The following IFNAR2 variants were observed in gnomAD, a reference collection of about 807,000 sequenced individuals.
IFNAR2 encodes interferon alpha/beta receptor 2.
In IFNAR2, 30 loss-of-function variants were observed where a neutral mutation model predicts 49.4. The ratio of observed to expected loss-of-function variants is 0.61; its 90% CI spans 0.45 to 0.82. IFNAR2 has a LOEUF of 0.82. Ranked by LOEUF, IFNAR2 falls within the 40% of genes least tolerant of loss-of-function variation. The probability of loss-of-function intolerance (pLI) is 0.00; values close to 1 mark genes in which losing one functional copy is unlikely to be tolerated. For missense variants in IFNAR2, 600 were observed against 622.7 expected, an observed-to-expected ratio of 0.96 and a Z score of 0.39; for synonymous variants, 224 against 234.5, an observed-to-expected ratio of 0.96 and a Z score of 0.41.
At position 33,230,250 on chromosome 21, in the gene IFNAR2, C is replaced by A. The variant is rs1851611262; in HGVS notation, c.-84+34C>A. 3.7e-6 allele frequency: 4 copies of A among 1,094,708 alleles called. No individual in the cohort carries two copies. Among genetic ancestry groups the A allele is most frequent in the Non-Finnish European group, 4.5e-6 (4 of 891,726 alleles). 67.8% of individuals were successfully genotyped at this position (1,094,708 alleles called of 1,614,324 possible). A position where few individuals can be genotyped will look rare whatever the true frequency, so the allele number is the denominator to read the frequency against. The stretch of plus-strand genomic sequence containing the variant: ...GCGTGGCGGGGTCGCGGGAGCGGAG[C>A]GCGTGGCCAGCTGACTGGAGGGAAA... On this transcript the variant is annotated intron_variant, in intron 1 of 8. Transcript: ENST00000342136. This position sits in a 1 kb window ranked among gnomAD's most constrained non-coding sequence, Gnocchi z 5.5.
intron 6 of IFNAR2, among the ~76,000 whole-genome samples, chr21:33,249,361 A>G (rs1181248770): frequency 1.3e-5 from 2 of 151,666 alleles, no homozygotes; most frequent in African/African-American, 4.8e-5. Context: ...AAAAAAAAAA[A>G]AAAGAGTAAG....
At chr21:33,232,868 C>A in intron 1 of IFNAR2, 1 of 360,796 alleles carries the variant, frequency 2.8e-6, no homozygotes, top group Non-Finnish European at 3.9e-6. Flanking sequence ...TTTCACTCTG[C>A]CATATCAGTA....
intron 4 of IFNAR2, 130 bp downstream of exon 4, chr21:33,245,204 C>G (rs1987310861): frequency 1.5e-6 from 1 of 682,442 alleles, no homozygotes; most frequent in Non-Finnish European, 2.5e-6. Context: ...CTCTGCGTTT[C>G]TTATTCAGAG....
At chr21:33,242,772 T>C (rs1410483163) in intron 2 of IFNAR2, among the ~76,000 whole-genome samples, 2,026 of 15,994 alleles carry the variant, frequency 0.13, 485 homozygotes, top group Non-Finnish European at 0.2. Flanking sequence ...TGTGTGTGTG[T>C]GTGTGTGTGT....
rs967008238 is a variant in IFNAR2 at position 33,230,708 on chromosome 21, A to G, written c.-84+492A>G. Among the ~76,000 whole-genome samples, 14 of 152,144 alleles carry G rather than the reference A, an allele frequency of 9.2e-5. No individual in the cohort carries two copies. Among genetic ancestry groups the G allele is most frequent in the African/African-American group, 3.4e-4 (14 of 41,440 alleles). ...GCCCCCCTCGACCTGCGTCAGGGTCACAGACTGCAGCCGGGGCTGGAGCGG... is the reference window on the plus strand; with the variant it reads ...GCCCCCCTCGACCTGCGTCAGGGTCGCAGACTGCAGCCGGGGCTGGAGCGG... On this transcript the variant is annotated intron_variant, in intron 1 of 8. Transcript: ENST00000342136. This position sits in a 1 kb window ranked among gnomAD's most constrained non-coding sequence, Gnocchi z 5.5.
At chr21:33,240,080 A>G (rs565783999) in intron 1 of IFNAR2, among the ~76,000 whole-genome samples, 7 of 152,086 alleles carry the variant, frequency 4.6e-5, no homozygotes, top group Non-Finnish European at 7.3e-5. Context: ...GAGTGGTCAC[A>G]GGCCTCAATG....
At chr21:33,240,775 A>G (rs902701725) in intron 1 of IFNAR2, among the ~76,000 whole-genome samples, 1 of 56,062 alleles carries the variant, frequency 1.8e-5, no homozygotes, top group African/African-American at 6.7e-5. Flanking sequence ...TGATTGCACC[A>G]CTGGCACTCC....
At chr21:33,233,670 G>A (rs910449078) in intron 1 of IFNAR2, among the ~76,000 whole-genome samples, 3 of 152,018 alleles carry the variant, frequency 2.0e-5, no homozygotes, top group African/African-American at 7.2e-5. Context: ...TTTTTTTCCG[G>A]AAGAACAAAG....
chr21:33,239,191 G>T (rs1986721015), intron 1 of IFNAR2, among the ~76,000 whole-genome samples: 1 of 152,126 alleles, frequency 6.6e-6, no homozygotes, highest in African/African-American at 2.4e-5. Context: ...GTTGGCCCAG[G>T]ACCCTGTCTG....
At chr21:33,244,297 T>A (rs906699860) in intron 3 of IFNAR2, among the ~76,000 whole-genome samples, 1 of 152,222 alleles carries the variant, frequency 6.6e-6, no homozygotes, top group Non-Finnish European at 1.5e-5. Flanking sequence ...GGCTTTAATG[T>A]CTCATTTATC....
Position 33,263,154 on chromosome 21 carries a change from C to T in IFNAR2, c.1202C>T (p.Pro401Leu). ...LSGPCERRKS[P>L]LQDPFPEEDY... ...GGGCCCTGTGAGAGGAGAAAGAGTC[C>T]ACTCCAGGACCCTTTTCCCGAAGAG... Residue 401 changes from proline (P) to leucine (L), a missense_variant, in exon 9 of 9, where the codon CCA becomes CTA. Pro to Leu is a moderately conservative substitution (Grantham distance 98). Coordinates refer to ENST00000342136, the MANE Select transcript of IFNAR2 (RefSeq NM_001289125.3). 6.2e-7 allele frequency: 1 copy of T among 1,614,170 alleles called. No homozygotes were observed. The highest frequency in any genetic ancestry group is 8.5e-7 in the Non-Finnish European group (1 of 1,180,036).
intron 1 of IFNAR2, among the ~76,000 whole-genome samples, chr21:33,232,175 A>G (rs531478612): frequency 6.6e-6 from 1 of 152,332 alleles, no homozygotes; most frequent in African/African-American, 2.4e-5. Context: ...GAAATTCTCA[A>G]ATGTTAAAAG....
At chr21:33,237,303 C>T (rs993510425) in intron 1 of IFNAR2, among the ~76,000 whole-genome samples, 8 of 151,634 alleles carry the variant, frequency 5.3e-5, no homozygotes, top group African/African-American at 9.7e-5. Flanking sequence ...GGGCTGAGGC[C>T]GGAGGATCAC....
chr21:33,232,567 A>T (rs1424057588), intron 1 of IFNAR2, among the ~76,000 whole-genome samples: 2 of 152,114 alleles, frequency 1.3e-5, no homozygotes, highest in African/African-American at 2.4e-5. Context: ...AAAAAAATTT[A>T]AAATTTAAAT....
At chr21:33,256,069 C>T (rs1282861023) in intron 7 of IFNAR2, among the ~76,000 whole-genome samples, 2 of 152,172 alleles carry the variant, frequency 1.3e-5, no homozygotes, top group Non-Finnish European at 2.9e-5. Context: ...AGTGACCTGG[C>T]AGACAGATGG....
At chr21:33,255,876 C>T (rs1375141241) in intron 7 of IFNAR2, among the ~76,000 whole-genome samples, 2 of 152,134 alleles carry the variant, frequency 1.3e-5, no homozygotes, top group Non-Finnish European at 2.9e-5. Flanking sequence ...CAAGCATAAA[C>T]TCATATGTGG....
intron 8 of IFNAR2, among the ~76,000 whole-genome samples, chr21:33,261,832 C>T (rs999080933): frequency 6.6e-6 from 1 of 152,016 alleles, no homozygotes; most frequent in South Asian, 2.1e-4. Flanking sequence ...GCTGTGATTG[C>T]GCCACTGCAC....
intron 7 of IFNAR2, among the ~76,000 whole-genome samples, chr21:33,256,259 C>T (rs548707151): frequency 4.9e-4 from 75 of 152,284 alleles, no homozygotes; most frequent in African/African-American, 1.8e-3. Context: ...TTTTACTTGG[C>T]GTGAATGCGT....
chr21:33,245,123 T>TA (rs1987300722), intron 4 of IFNAR2, 49 bp downstream of exon 4: 13 of 1,368,754 alleles, frequency 9.5e-6, no homozygotes, highest in Non-Finnish European at 1.4e-5. Flanking sequence ...ATTGTTCTGT[T>TA]ATATGGGGAG....
Sources: gnomAD v4.1 joint callset for allele counts (sites outside exome capture counted in the v4.1 genomes callset) on GRCh38, gnomAD v4.1.1 for gene constraint, Gnocchi (gnomAD v3.1) non-coding constraint, MANE v1.5 for transcripts, NCBI Gene and HGNC (gene_info 2026-07-23, HGNC 2026-07-21) for gene names.